The following CCDC141 variants were observed in gnomAD, a reference collection of about 807,000 sequenced individuals.
CCDC141 encodes coiled-coil domain containing 141, also known as coiled-coil domain-containing protein 141.
A neutral mutation model predicts 181.0 loss-of-function variants in CCDC141; 168 were observed. That is an observed-to-expected ratio of 0.93 (90% CI 0.82 to 1.05). The LOEUF is 1.05. Ranked by LOEUF, CCDC141 falls within the 50% of genes least tolerant of loss-of-function variation. The pLI is 0.00. For synonymous variants in CCDC141, 666 were observed against 642.3 expected (o/e 1.04, Z -0.56); for missense variants, 1,902 against 1,788.5 (o/e 1.06, Z -1.14).
intron 6 of CCDC141, among the ~76,000 whole-genome samples, chr2:178,925,460 C>T (rs1688873152): frequency 6.6e-6 from 1 of 152,178 alleles, no homozygotes; most frequent in Admixed American, 6.5e-5. Context: ...AAAATGAAAT[C>T]ACAACACACT....
intron 2 of CCDC141, among the ~76,000 whole-genome samples, chr2:179,017,793 A>G (rs2042585427): frequency 6.6e-6 from 1 of 152,158 alleles, no homozygotes. Context: ...AAGGGAACAA[A>G]ATGGAATGCC....
At chr2:179,010,193 A>G (rs1166191543) in intron 2 of CCDC141, among the ~76,000 whole-genome samples, 1 of 152,172 alleles carries the variant, frequency 6.6e-6, no homozygotes, top group Non-Finnish European at 1.5e-5. Flanking sequence ...GTTCCTGAGG[A>G]AGAAGAAAAT....
intron 3 of CCDC141, among the ~76,000 whole-genome samples, chr2:178,977,990 C>T (rs570142392): frequency 5.3e-5 from 8 of 152,242 alleles, no homozygotes; most frequent in East Asian, 1.9e-4. Context: ...ATCAACTATA[C>T]GCCTTAGGAA....
chr2:178,878,601 G>A (rs1686459455), intron 11 of CCDC141, among the ~76,000 whole-genome samples: 1 of 151,272 alleles, frequency 6.6e-6, no homozygotes. Flanking sequence ...TTACGGGCAT[G>A]AGCTGCCAAC....
chr2:178,949,308 G>T (rs998344767), intron 5 of CCDC141, among the ~76,000 whole-genome samples: 1 of 152,142 alleles, frequency 6.6e-6, no homozygotes, highest in Non-Finnish European at 1.5e-5. Context: ...ATTTAGGCAG[G>T]TTACAACATA....
intron 2 of CCDC141, among the ~76,000 whole-genome samples, chr2:179,009,010 CA>C (rs2042189377): frequency 6.6e-6 from 1 of 152,152 alleles, no homozygotes; most frequent in Non-Finnish European, 1.5e-5. Context: ...ACCCTTTTCC[CA>C]ATCTTTTTAT....
In CCDC141 at chr2:178,944,652, C is replaced by T. The variant is rs1290716630; in HGVS notation, c.781-1G>A. 7.1e-7 allele frequency: 1 copy of T among 1,416,640 alleles called. No individual in the cohort carries two copies. The allele number at this position is 1,416,640 out of a possible 1,614,324, so 87.8% of individuals were successfully genotyped here. ...TAGTTTTCTGAAACCAACAAGTAAC[C>T]TAGGTAAAAGGCAACAAAGAAAGAT... is the stretch of plus-strand genomic sequence containing the variant. On this transcript the variant is annotated splice_acceptor_variant, in intron 5 of 23. Transcript: ENST00000443758. LOFTEE classifies it high-confidence loss of function.
At chr2:178,849,089 A>G (rs1685059532) in intron 21 of CCDC141, among the ~76,000 whole-genome samples, 1 of 152,194 alleles carries the variant, frequency 6.6e-6, no homozygotes. Context: ...CTGAATTAAA[A>G]GCCTCACAAA....
Position 178,850,100 on chromosome 2 carries a change from T to A in CCDC141, c.3306A>T (p.Glu1102Asp). 3.7e-6 allele frequency: 6 copies of A among 1,611,756 alleles called. No individual in the cohort carries two copies. Among genetic ancestry groups the A allele is most frequent in the Non-Finnish European group, 5.1e-6 (6 of 1,178,688 alleles). Residue 1102 changes from glutamate (E) to aspartate (D), a missense_variant, in exon 21 of 24, where the codon GAA becomes GAT. By Grantham distance (45) the Glu-to-Asp change is conservative. Transcript: ENST00000443758. ...KIVTKHKEVL[E>D]SVTELCESLT... Reference sequence around the variant, plus strand: ...GGGACTCACATAATTCAGTCACAGATTCAAGAACCTCTTTGTGTTTTGTCA... The same window carrying A: ...GGGACTCACATAATTCAGTCACAGAATCAAGAACCTCTTTGTGTTTTGTCA...
At chr2:178,840,761 T>A (rs997221695) in intron 22 of CCDC141, among the ~76,000 whole-genome samples, 1 of 152,242 alleles carries the variant, frequency 6.6e-6, no homozygotes, top group Non-Finnish European at 1.5e-5. Flanking sequence ...GACTCCTGTA[T>A]CTTACTTTCA....
At chr2:178,897,365 C>G (rs1687462729) in intron 8 of CCDC141, among the ~76,000 whole-genome samples, 1 of 152,120 alleles carries the variant, frequency 6.6e-6, no homozygotes. Flanking sequence ...CCAAAAAGTT[C>G]AAAACCATGC....
chr2:178,970,606 T>C (rs907502946), intron 4 of CCDC141, among the ~76,000 whole-genome samples: 1 of 152,124 alleles, frequency 6.6e-6, no homozygotes, highest in Non-Finnish European at 1.5e-5. Context: ...TTACACCTTA[T>C]ATGAAAATCA....
chr2:178,985,238 G>C (rs1390045420), intron 2 of CCDC141, among the ~76,000 whole-genome samples: 3 of 151,096 alleles, frequency 2.0e-5, no homozygotes, highest in African/African-American at 2.4e-5. Flanking sequence ...ACGAAATGAA[G>C]GCAGAAATAA....
rs1229045708 is a variant in CCDC141, at chr2:178,868,056, T to C, written c.2544A>G (p.Gly848=). 2 of 1,613,858 alleles carry C rather than the reference T, an allele frequency of 1.2e-6. No homozygotes were observed. Among genetic ancestry groups the C allele is most frequent in the Non-Finnish European group, 1.7e-6 (2 of 1,179,836 alleles). The change falls in exon 16 of 24, where the codon GGA becomes GGG. Residue 848 remains glycine (G), a synonymous_variant. Coordinates refer to ENST00000443758, the MANE Select transcript of CCDC141 (RefSeq NM_173648.4). The stretch of plus-strand genomic sequence containing the variant: ...GCTGCACTGATGAGATGATGTCGAC[T>C]CCTAAGGAAAGGGCCAGTCTGTGGA... The part of the protein sequence containing the change: ...DHLHRLALSL[G]VDIISSVQRP...
intron 3 of CCDC141, among the ~76,000 whole-genome samples, chr2:178,976,827 G>A (rs576153125): frequency 6.6e-6 from 1 of 152,220 alleles, no homozygotes; most frequent in African/African-American, 2.4e-5. Context: ...CTAGCAGGTA[G>A]TTTGTTTGTT....
At chr2:178,924,622 C>A (rs1688844492) in intron 6 of CCDC141, among the ~76,000 whole-genome samples, 1 of 152,158 alleles carries the variant, frequency 6.6e-6, no homozygotes, top group African/African-American at 2.4e-5. Context: ...AGGGGCATTT[C>A]TATGCTGACC....
Position 178,939,762 on chromosome 2 carries a change from G to C in CCDC141, c.897+4773C>G, listed in dbSNP as rs532545260. On this transcript the variant is annotated intron_variant, in intron 6 of 23. Transcript: ENST00000443758. ...TATACTCTTTTGTGTGTGTGGTGGA[G>C]GGGGGGTGTTGGGGGACAAATGGGA... Among the ~76,000 whole-genome samples the C allele has an allele frequency of 4.6e-3, 700 of 152,114 alleles. 3 individuals are homozygous for C. The highest frequency in any genetic ancestry group is 0.014 in the South Asian group (68 of 4,808).
chr2:178,982,941 C>T (rs1429499910), intron 2 of CCDC141, among the ~76,000 whole-genome samples: 1 of 152,204 alleles, frequency 6.6e-6, no homozygotes, highest in African/African-American at 2.4e-5. Flanking sequence ...AGCCTGGAAG[C>T]TCGAACTGGA....
chr2:178,924,420 T>C (rs1050961719), intron 6 of CCDC141, among the ~76,000 whole-genome samples: 6 of 152,198 alleles, frequency 3.9e-5, no homozygotes, highest in Non-Finnish European at 8.8e-5. Flanking sequence ...TTTTACATGA[T>C]TGTATTAACA....
Sources: gnomAD v4.1 joint callset for allele counts (sites outside exome capture counted in the v4.1 genomes callset) on GRCh38, gnomAD v4.1.1 for gene constraint, MANE v1.5 for transcripts, NCBI Gene and HGNC (gene_info 2026-07-23, HGNC 2026-07-21) for gene names.